Variants in GGT7 observed in about 807,000 individuals in gnomAD.
The protein encoded by GGT7 is gamma-glutamyltransferase 7.
A neutral mutation model predicts 69.2 loss-of-function variants in GGT7; 30 were observed. That is an observed-to-expected ratio of 0.43 (90% CI 0.32 to 0.59). The LOEUF is 0.59. GGT7 is among the 20% of genes least tolerant of loss of function. The pLI is 0.05. For missense variants in GGT7, 733 were observed against 901.1 expected (o/e 0.81, Z 2.39); for synonymous variants, 388 against 391.8 (o/e 0.99, Z 0.12).
chr20:34,866,836 C>T (rs2079698561), intron 1 of GGT7, among the ~76,000 whole-genome samples: 1 of 152,186 alleles, frequency 6.6e-6, no homozygotes, highest in South Asian at 2.1e-4. Flanking sequence ...CTGCCTCAGC[C>T]TCCCAAAGTG....
intron 14 of GGT7, 75 bp downstream of exon 14, chr20:34,849,886 A>G: frequency 1.2e-6 from 1 of 834,666 alleles, no homozygotes. Context: ...TGGTTGAGGC[A>G]TGGGCACCCT....
At chr20:34,859,854 G>T in intron 6 of GGT7, 115 bp downstream of exon 6, 2 of 843,532 alleles carry the variant, frequency 2.4e-6, no homozygotes, top group Non-Finnish European at 3.9e-6. Flanking sequence ...GGTGGGGAGG[G>T]GGTCTGAGGA....
At chr20:34,851,160 G>A in intron 13 of GGT7, 71 bp downstream of exon 13, 6 of 1,566,942 alleles carry the variant, frequency 3.8e-6, no homozygotes, top group Non-Finnish European at 5.2e-6. Context: ...CCACAGATAT[G>A]ACAGGCATCT....
chr20:34,859,973 A>G lies in GGT7; in HGVS notation c.813T>C (p.Asp271=). 1.3e-6 allele frequency: 2 copies of G among 1,555,422 alleles called. No individual in the cohort carries two copies. The highest frequency in any genetic ancestry group is 8.7e-7 in the Non-Finnish European group (1 of 1,146,192). Residue 271 remains aspartate (D), a synonymous_variant, in exon 6 of 15, where the codon GAT becomes GAC. Transcript: ENST00000336431. The part of the protein sequence containing the change: ...VAQDGFNVTH[D]LARALAEQLP... ...AAATCCCCAGGCCCCACTGACCTAG[A>G]TCATGAGTCACGTTGAAGCCATCTT...
At chr20:34,856,981 G>A (rs957780409) in intron 7 of GGT7, 88 bp from the exon 8 acceptor site, 1 of 825,670 alleles carries the variant, frequency 1.2e-6, no homozygotes, top group African/African-American at 1.7e-5. Flanking sequence ...AGACAGATCA[G>A]CTGTTTATAA....
At position 34,859,952 on chromosome 20, in the gene GGT7, C is replaced by A. The variant is rs375312421; in HGVS notation, c.817+17G>T. On this transcript the variant is annotated intron_variant, in intron 6 of 14. Coordinates refer to ENST00000336431, the MANE Select transcript of GGT7 (RefSeq NM_178026.3). Reference sequence around the variant, plus strand: ...CATCAACCTCATGTCTCTCCCAAATCCCCAGGCCCCACTGACCTAGATCAT... The same window carrying A: ...CATCAACCTCATGTCTCTCCCAAATACCCAGGCCCCACTGACCTAGATCAT... The A allele has an allele frequency of 5.3e-6, 8 of 1,511,264 alleles. No homozygotes were observed. The highest frequency in any genetic ancestry group is 3.9e-5 in the Admixed American group (2 of 51,358). 93.6% of individuals were successfully genotyped at this position (1,511,264 alleles called of 1,614,324 possible).
In GGT7 at chr20:34,861,448, G is replaced by C. The variant is rs569468616; in HGVS notation, c.672C>G (p.Thr224=). The C allele has an allele frequency of 1.3e-6, 2 of 1,521,774 alleles. No homozygotes were observed. The highest frequency in any genetic ancestry group is 3.6e-5 in the Admixed American group (2 of 55,996). The allele number at this position is 1,521,774 out of a possible 1,614,324, so 94.3% of individuals were successfully genotyped here. A position where few individuals can be genotyped will look rare whatever the true frequency, so the allele number is the denominator to read the frequency against. The change falls in exon 4 of 15, where the codon ACC becomes ACG. Residue 224 remains threonine (T), a synonymous_variant. Coordinates refer to ENST00000336431, the MANE Select transcript of GGT7 (RefSeq NM_178026.3). ...CTCTTCTCACCAGGGTCCCCACCTTGGTCTCCCAGGATCTTTGCAGGGTCT... is the reference window on the plus strand; with the variant it reads ...CTCTTCTCACCAGGGTCCCCACCTTCGTCTCCCAGGATCTTTGCAGGGTCT... ...REETLQRSWE[T]KPGLLVGVPG... is the part of the protein sequence containing the mutation.
chr20:34,854,005 C>T (rs746271760), intron 10 of GGT7, among the ~76,000 whole-genome samples: 7 of 152,152 alleles, frequency 4.6e-5, no homozygotes, highest in East Asian at 1.9e-4. Context: ...GGCATGATCT[C>T]GGCTCACTGC....
chr20:34,855,016 G>C, intron 8 of GGT7, 93 bp from the exon 9 acceptor site: 1 of 1,247,564 alleles, frequency 8.0e-7, no homozygotes, highest in South Asian at 1.4e-5. Context: ...CACACACTGA[G>C]ACCACTGCGC....
In GGT7 at chr20:34,845,325, G is replaced by A. The variant is rs1346173281; in HGVS notation, c.*3C>T. On this transcript the variant is annotated 3_prime_UTR_variant, in exon 15 of 15. Transcript: ENST00000336431. Reference sequence around the variant, plus strand: ...AGCAGAGACCCCGCCCCACCCCGCTGCTCTACAGGATGGTGGCTCCAGCTG... The same window carrying A: ...AGCAGAGACCCCGCCCCACCCCGCTACTCTACAGGATGGTGGCTCCAGCTG... 1.9e-6 allele frequency: 3 copies of A among 1,612,392 alleles called. No individual in the cohort carries two copies. The highest frequency in any genetic ancestry group is 2.5e-6 in the Non-Finnish European group (3 of 1,179,232).
chr20:34,849,652 T>C (rs1275632290), intron 14 of GGT7, among the ~76,000 whole-genome samples: 28 of 152,212 alleles, frequency 1.8e-4, no homozygotes, highest in Non-Finnish European at 4.4e-5. Context: ...GGATGATGCC[T>C]GGAACACGTA....
At chr20:34,850,375 G>A (rs1007715353) in intron 13 of GGT7, among the ~76,000 whole-genome samples, 1 of 152,198 alleles carries the variant, frequency 6.6e-6, no homozygotes, top group African/African-American at 2.4e-5. Flanking sequence ...ATAGGGCAAG[G>A]TTAATAGCTA....
At chr20:34,862,583 TAAA>T (rs113536080) in intron 3 of GGT7, among the ~76,000 whole-genome samples, 6 of 126,846 alleles carry the variant, frequency 4.7e-5, no homozygotes, top group African/African-American at 5.6e-5. Context: ...TTTTTCTAGT[TAAA>T]AAAAAAAAAA....
At chr20:34,872,144 G>C (rs1476537435) in intron 1 of GGT7, 1 of 152,392 alleles carries the variant, frequency 6.6e-6, no homozygotes, top group African/African-American at 2.4e-5. Context: ...ACACCCAACA[G>C]AGGGGAATCA....
intron 6 of GGT7, 37 bp from the exon 7 acceptor site, chr20:34,859,676 G>T (rs774284899): frequency 6.6e-7 from 1 of 1,506,328 alleles, no homozygotes; most frequent in Non-Finnish European, 9.0e-7. Flanking sequence ...AGGGCGGGAC[G>T]CCAGGACTGG....
Position 34,845,232 on chromosome 20 carries a change from C to T in GGT7, c.*96G>A. The T allele has an allele frequency of 8.8e-7, 1 of 1,140,680 alleles. No individual in the cohort carries two copies. Among genetic ancestry groups the T allele is most frequent in the South Asian group, 1.5e-5 (1 of 65,980 alleles). 70.7% of individuals were successfully genotyped at this position (1,140,680 alleles called of 1,614,324 possible). Reference sequence around the variant, plus strand: ...ATCCCCTCTGGCCCCTGATCTGGGGCATCCCTGGGGTCCCCCTGAGACCAA... The same window carrying T: ...ATCCCCTCTGGCCCCTGATCTGGGGTATCCCTGGGGTCCCCCTGAGACCAA... On this transcript the variant is annotated 3_prime_UTR_variant, in exon 15 of 15. Transcript: ENST00000336431.
Position 34,845,141 on chromosome 20 carries a change from A to ACCACCACCACCACCACCACCACCC in GGT7, c.*186_*187insGGGTGGTGGTGGTGGTGGTGGTGG. ...CACCACCACCACCACCACCACCACC[A>ACCACCACCACCACCACCACCACCC]CCACCACCACCACAGGCCTCCTGAT... is the stretch of plus-strand genomic sequence containing the variant. On this transcript the variant is annotated 3_prime_UTR_variant, in exon 15 of 15. Coordinates refer to ENST00000336431, the MANE Select transcript of GGT7 (RefSeq NM_178026.3). The ACCACCACCACCACCACCACCACCC allele has an allele frequency of 3.2e-6, 1 of 314,222 alleles. No individual in the cohort carries two copies. Among genetic ancestry groups the ACCACCACCACCACCACCACCACCC allele is most frequent in the Non-Finnish European group, 6.0e-6 (1 of 166,246 alleles). 19.5% of individuals were successfully genotyped at this position (314,222 alleles called of 1,614,324 possible). A position where few individuals can be genotyped will look rare whatever the true frequency, so the allele number is the denominator to read the frequency against.
chr20:34,849,918 C>G (rs752788147), intron 14 of GGT7, 43 bp downstream of exon 14: 1 of 1,213,308 alleles, frequency 8.2e-7, no homozygotes, highest in Non-Finnish European at 1.2e-6. Context: ...CTTTCTCTAC[C>G]TGTCCCTGTG....
Position 34,845,120 on chromosome 20 carries a change from A to ACCCCCCCCCCCCCCCCCC in GGT7, c.*207_*208insGGGGGGGGGGGGGGGGGG. ...ACTGTAGATGCTGACACTCACCACC[A>ACCCCCCCCCCCCCCCCCC]CCACCACCACCACCACCACCACCAC... On this transcript the variant is annotated 3_prime_UTR_variant, in exon 15 of 15. Coordinates refer to ENST00000336431, the MANE Select transcript of GGT7 (RefSeq NM_178026.3). 1 of 416,922 alleles carries ACCCCCCCCCCCCCCCCCC rather than the reference A, an allele frequency of 2.4e-6. No homozygotes were observed. 25.8% of individuals were successfully genotyped at this position (416,922 alleles called of 1,614,324 possible).
Sources: gnomAD v4.1 joint callset for allele counts (sites outside exome capture counted in the v4.1 genomes callset) on GRCh38, gnomAD v4.1.1 for gene constraint, MANE v1.5 for transcripts, NCBI Gene and HGNC (gene_info 2026-07-23, HGNC 2026-07-21) for gene names.